Variants in DNAH3 observed in about 807,000 individuals in gnomAD.
The protein encoded by DNAH3 is dynein axonemal heavy chain 3.
In DNAH3, 332 loss-of-function variants were observed where a neutral mutation model predicts 432.5. The ratio of observed to expected loss-of-function variants is 0.77; its 90% CI spans 0.70 to 0.84. The LOEUF (loss-of-function observed/expected upper bound fraction) is 0.84. Ranked by LOEUF, DNAH3 falls within the 40% of genes least tolerant of loss-of-function variation. The pLI, the probability that DNAH3 is intolerant of heterozygous loss-of-function variation, is 0.00. For synonymous variants in DNAH3, 1,956 were observed against 1,900.2 expected (o/e 1.03, Z -0.76); for missense variants, 4,861 against 5,114.0 (o/e 0.95, Z 1.51).
At chr16:21,134,847 T>G (rs2092621163) in intron 6 of DNAH3, among the ~76,000 whole-genome samples, 1 of 152,056 alleles carries the variant, frequency 6.6e-6, no homozygotes, top group Non-Finnish European at 1.5e-5. Flanking sequence ...CCACCACACC[T>G]GCCTAATTTT....
At chr16:20,953,584 T>C (rs1288495450) in intron 55 of DNAH3, among the ~76,000 whole-genome samples, 1 of 151,876 alleles carries the variant, frequency 6.6e-6, no homozygotes, top group Non-Finnish European at 1.5e-5. Context: ...TGCATGGCTT[T>C]TTTTTTTTGA....
At chr16:21,114,684 CA>C in intron 12 of DNAH3, among the ~76,000 whole-genome samples, 1 of 152,276 alleles carries the variant, frequency 6.6e-6, no homozygotes, top group South Asian at 2.1e-4. Flanking sequence ...ATCAAAACCA[CA>C]ATGAGATACC....
At chr16:21,018,819 T>C (rs1044484793) in intron 41 of DNAH3, among the ~76,000 whole-genome samples, 1 of 151,936 alleles carries the variant, frequency 6.6e-6, no homozygotes, top group African/African-American at 2.4e-5. Context: ...CTCTTGAATC[T>C]GGGAGGCAGT....
At chr16:21,087,984 T>C (rs2152780936) in intron 18 of DNAH3, among the ~76,000 whole-genome samples, 1 of 152,296 alleles carries the variant, frequency 6.6e-6, no homozygotes, top group Non-Finnish European at 1.5e-5. Flanking sequence ...TTCCTTTATT[T>C]TGCTAAGAAC....
intron 41 of DNAH3, among the ~76,000 whole-genome samples, chr16:21,015,770 T>G (rs1333581450): frequency 1.3e-5 from 2 of 152,184 alleles, no homozygotes; most frequent in Admixed American, 6.6e-5. Flanking sequence ...GATATGATTT[T>G]CATATTTCAA....
rs2092839671 is a variant in DNAH3, at chr16:21,150,424, T to C, written c.118-4336A>G. 2.4e-6 allele frequency: 1 copy of C among 418,474 alleles called. No individual in the cohort carries two copies. The highest frequency in any genetic ancestry group is 2.1e-5 in the African/African-American group (1 of 47,716). The allele number at this position is 418,474 out of a possible 1,614,324, so 25.9% of individuals were successfully genotyped here. On this transcript the variant is annotated intron_variant, in intron 1 of 61. It removes the in-frame stop codon of an upstream open reading frame in the 5' UTR. Transcript: ENST00000261383. ...CAGTTGGTCTGAAATTCACACTTCC[T>C]TATAGCATAATGGGGATGACACCAA... is the stretch of plus-strand genomic sequence containing the variant.
chr16:21,062,733 T>C lies in DNAH3; in HGVS notation c.3519-50A>G, dbSNP rs377295478. On this transcript the variant is annotated intron_variant, in intron 24 of 61. Coordinates refer to ENST00000261383, the Ensembl canonical transcript of DNAH3. The stretch of plus-strand genomic sequence containing the variant: ...TAACTGGAACCTCTTCCAAGAACTT[T>C]TTCTAGCAAGGTGATACTTTCTGAC... 147 of 1,504,062 alleles carry C rather than the reference T, an allele frequency of 9.8e-5. No individual in the cohort carries two copies. The African/African-American group carries it at 1.9e-3, about 20-fold the overall frequency. The allele number at this position is 1,504,062 out of a possible 1,614,324, so 93.2% of individuals were successfully genotyped here.
At chr16:21,086,858 G>A (rs1307903779) in exon 19 of DNAH3, 1 of 1,614,012 alleles carries the variant, frequency 6.2e-7, no homozygotes, top group East Asian at 2.2e-5. Flanking sequence ...CCTGCTGCCA[G>A]TGTCGGTCTT....
chr16:21,030,992 T>C, intron 37 of DNAH3, 53 bp downstream of exon 37: 1 of 1,590,038 alleles, frequency 6.3e-7, no homozygotes, highest in Non-Finnish European at 8.6e-7. Context: ...CTTACTTCAA[T>C]AAAAGAGTTT....
At position 21,042,039 on chromosome 16, in the gene DNAH3, G is replaced by A. The variant is rs150869091; in HGVS notation, c.4626C>T (p.Pro1542=). 2.4e-5 allele frequency: 38 copies of A among 1,613,524 alleles called. 1 individual carries two copies. Among genetic ancestry groups the A allele is most frequent in the South Asian group, 2.2e-4 (20 of 91,002 alleles). Residue 1542 remains proline, a synonymous_variant, in exon 32 of 62, where the codon CCC becomes CCT. Transcript: ENST00000261383. Reference sequence around the variant, plus strand: ...TGCTGGCATTTACCTTGAGATTGTCGGGCAGTTCAGCCCTGCCAGCATACC... The same window carrying A: ...TGCTGGCATTTACCTTGAGATTGTCAGGCAGTTCAGCCCTGCCAGCATACC...
chr16:21,103,340 A>G (rs562256973), intron 16 of DNAH3, among the ~76,000 whole-genome samples: 961 of 85,996 alleles, frequency 0.011, 15 homozygotes, highest in African/African-American at 0.038. Flanking sequence ...AAAAGGGTGT[A>G]GAGGGTGTGT....
chr16:21,088,003 T>C (rs906417051), intron 18 of DNAH3, among the ~76,000 whole-genome samples: 4 of 152,148 alleles, frequency 2.6e-5, no homozygotes, highest in Non-Finnish European at 5.9e-5. Context: ...ACCTTTAGCA[T>C]TTGGGTTTCA....
intron 42 of DNAH3, among the ~76,000 whole-genome samples, chr16:21,001,353 GTCTCCT>G (rs2087008971): frequency 6.6e-6 from 1 of 152,102 alleles, no homozygotes; most frequent in Non-Finnish European, 1.5e-5. Flanking sequence ...ATACACTGAA[GTCTCCT>G]TCTATGTCTA....
At chr16:21,001,136 C>A (rs541776586) in intron 42 of DNAH3, among the ~76,000 whole-genome samples, 266 of 152,306 alleles carry the variant, frequency 1.7e-3, no homozygotes, top group Non-Finnish European at 3.1e-3. Context: ...CCTTACTAAT[C>A]CCATGCCTTT....
chr16:20,997,311 G>A (rs1164066776), exon 44 of DNAH3: 1 of 1,614,094 alleles, frequency 6.2e-7, no homozygotes, highest in Non-Finnish European at 8.5e-7. Context: ...CTCCCCCGGG[G>A]GGCCCCATGG....
At chr16:21,135,564 G>A (rs1471433804) in intron 6 of DNAH3, among the ~76,000 whole-genome samples, 4 of 152,006 alleles carry the variant, frequency 2.6e-5, no homozygotes, top group East Asian at 1.9e-4. Flanking sequence ...GTGGTGGTGC[G>A]TGCCTGTAGT....
At chr16:20,940,621 G>A (rs2083770797) in intron 59 of DNAH3, among the ~76,000 whole-genome samples, 1 of 150,202 alleles carries the variant, frequency 6.7e-6, no homozygotes, top group Admixed American at 6.6e-5. Context: ...TTGGAGAGAT[G>A]GGGTCTTGCT....
chr16:21,036,936 A>G, intron 34 of DNAH3, 88 bp from the exon 35 acceptor site: 2 of 1,072,580 alleles, frequency 1.9e-6, no homozygotes, highest in Non-Finnish European at 2.7e-6. Flanking sequence ...TGTATCAACA[A>G]CAGAGATCTT....
chr16:20,985,438 A>G (rs746830091), exon 48 of DNAH3: 2 of 1,614,180 alleles, frequency 1.2e-6, no homozygotes, highest in Admixed American at 3.3e-5. Flanking sequence ...GCTGCCCCCT[A>G]TGCCCACCAG....
Sources: allele counts gnomAD v4.1 joint callset (sites outside exome capture counted in the v4.1 genomes callset), GRCh38; gene constraint gnomAD v4.1.1; transcripts MANE v1.5; gene names NCBI Gene and HGNC (gene_info 2026-07-23, HGNC 2026-07-21).